Variants in PLXNA2 observed in about 807,000 individuals in gnomAD.
PLXNA2 encodes plexin-A2.
PLXNA2 carries 91 observed loss-of-function variants against 193.5 expected under a neutral mutation model. The observed-to-expected ratio is 0.47, with a 90% CI of 0.40 to 0.56. PLXNA2 has a LOEUF of 0.56. PLXNA2 is among the 20% of genes least tolerant of loss of function. PLXNA2 has a pLI of 0.00. For missense variants in PLXNA2, 1,995 were observed against 2,503.2 expected (o/e 0.80, Z 4.33); for synonymous variants, 997 against 1,027.3 (o/e 0.97, Z 0.56).
At chr1:208,210,239 A>G (rs1670891265) in intron 3 of PLXNA2, 41 bp downstream of exon 3, 2 of 1,594,964 alleles carry the variant, frequency 1.3e-6, no homozygotes, top group African/African-American at 2.7e-5. Flanking sequence ...TTTGCTGAGG[A>G]GGTGAATGGC....
At chr1:208,145,790 A>T (rs531695907) in intron 3 of PLXNA2, among the ~76,000 whole-genome samples, 14 of 152,336 alleles carry the variant, frequency 9.2e-5, no homozygotes, top group African/African-American at 3.4e-4. Flanking sequence ...CAATCTTTTA[A>T]TAAGCCAGTT....
intron 26 of PLXNA2, among the ~76,000 whole-genome samples, chr1:208,037,990 C>T (rs543305867): frequency 9.2e-5 from 14 of 152,176 alleles, no homozygotes; most frequent in Non-Finnish European, 1.5e-4. Context: ...TAGTAAGATG[C>T]TAAAGAGAGA....
chr1:208,152,673 A>ACACACACG (rs1228311913), intron 3 of PLXNA2, among the ~76,000 whole-genome samples: 3,648 of 121,332 alleles, frequency 0.03, 48 homozygotes, highest in Admixed American at 0.045. Flanking sequence ...ACACATACAC[A>ACACACACG]CACACACACG....
chr1:208,132,038 T>C (rs1365570126), intron 4 of PLXNA2, among the ~76,000 whole-genome samples: 6 of 152,162 alleles, frequency 3.9e-5, no homozygotes, highest in Admixed American at 2.0e-4. Flanking sequence ...GAGATCATGC[T>C]CGTGAGGCGC....
At chr1:208,138,395 G>T (rs896727539) in intron 4 of PLXNA2, among the ~76,000 whole-genome samples, 5 of 152,228 alleles carry the variant, frequency 3.3e-5, no homozygotes, top group Non-Finnish European at 4.4e-5. Context: ...AGCTTGGGAG[G>T]TTAGGTGTAT....
rs79601528 is a variant in PLXNA2 at position 208,217,682 on chromosome 1, C to A, written c.241G>T (p.Val81Leu). The A allele has an allele frequency of 4.6e-3, 7,454 of 1,614,194 alleles. 22 individuals carry two copies. Among genetic ancestry groups the A allele is most frequent in the Non-Finnish European group, 5.9e-3 (6,999 of 1,180,036 alleles). The change falls in exon 2 of 32, where the codon GTG becomes TTG. Residue 81 changes from valine to leucine, a missense_variant. This residue lies in a region of PLXNA2 where 702 missense variants were observed against 812.9 expected (regional missense o/e 0.86). Coordinates refer to ENST00000367033, the MANE Select transcript of PLXNA2 (RefSeq NM_025179.4). The surrounding 1 kb of genome is among the most constrained non-coding windows in gnomAD (Gnocchi z 4.7). ...TCTTCTGGCCCTGTCTTATGAGCCA[C>A]CTGGATGGTCAGGTTGCCTGTCAGC... The part of the protein sequence containing the change: ...YKLTGNLTIQ[V>L]AHKTGPEEDN...
At chr1:208,079,019 C>G (rs1053701769) in intron 12 of PLXNA2, among the ~76,000 whole-genome samples, 1 of 152,212 alleles carries the variant, frequency 6.6e-6, no homozygotes, top group Non-Finnish European at 1.5e-5. Context: ...GTCGTGTGCA[C>G]GTGCACACCA....
In PLXNA2 at chr1:208,124,705, A is replaced by AG. The variant is rs769264852; in HGVS notation, c.1506+17623_1506+17624insC. 5.9e-3 allele frequency among the ~76,000 whole-genome samples: 850 copies of AG among 142,910 alleles called. 11 individuals are homozygous for AG. Among genetic ancestry groups the AG allele is most frequent in the East Asian group, 0.054 (256 of 4,734 alleles). 93.8% of individuals were successfully genotyped at this position (142,910 alleles called of 152,430 possible). On this transcript the variant is annotated intron_variant, in intron 4 of 31. Transcript: ENST00000367033. Reference sequence around the variant, plus strand: ...AAAAAAAAAAAAAAAAAAAAAAAAGAACCAGAGATACCCTATGTTTTAGGC... The same window carrying AG: ...AAAAAAAAAAAAAAAAAAAAAAAAGAGACCAGAGATACCCTATGTTTTAGGC...
At chr1:208,218,913 G>T (rs1457297731) in intron 1 of PLXNA2, among the ~76,000 whole-genome samples, 1 of 152,206 alleles carries the variant, frequency 6.6e-6, no homozygotes. Flanking sequence ...CTTGCTAGGG[G>T]TTACTGGCTG....
rs1458229921 is a variant in PLXNA2 at position 208,026,305 on chromosome 1, C to T, written c.*938G>A. On this transcript the variant is annotated 3_prime_UTR_variant, in exon 32 of 32. Coordinates refer to ENST00000367033, the MANE Select transcript of PLXNA2 (RefSeq NM_025179.4). ...TCTGGGAGAGGCCCACCTCACCCCA[C>T]TTCTCATAGTAACTTTAGGGAAATT... is the stretch of plus-strand genomic sequence containing the variant. The T allele has an allele frequency of 6.6e-6, 1 of 152,200 alleles. No homozygotes were observed. Among genetic ancestry groups the T allele is most frequent in the Non-Finnish European group, 1.5e-5 (1 of 68,054 alleles). 9.4% of individuals were successfully genotyped at this position (152,200 alleles called of 1,614,324 possible).
intron 1 of PLXNA2, among the ~76,000 whole-genome samples, chr1:208,232,425 G>A (rs1040559508): frequency 1.3e-5 from 2 of 152,192 alleles, no homozygotes; most frequent in Admixed American, 6.5e-5. Flanking sequence ...TTCAATTCCC[G>A]ACAGTGGCAG....
intron 3 of PLXNA2, among the ~76,000 whole-genome samples, chr1:208,192,371 G>A (rs1290937278): frequency 2.6e-5 from 4 of 152,068 alleles, no homozygotes; most frequent in East Asian, 1.9e-4. Flanking sequence ...TGTGGTGCAG[G>A]TATGCCTATT....
At chr1:208,168,724 G>GGTTT (rs1491302678) in intron 3 of PLXNA2, among the ~76,000 whole-genome samples, 2 of 73,196 alleles carry the variant, frequency 2.7e-5, no homozygotes. Context: ...AGTATGCGGG[G>GGTTT]TTTTTTTTTT....
chr1:208,211,997 T>C (rs1190941724), intron 2 of PLXNA2, among the ~76,000 whole-genome samples: 10 of 152,184 alleles, frequency 6.6e-5, no homozygotes, highest in Admixed American at 6.5e-4. Context: ...GCCCAGTTAA[T>C]GGCACAATGT....
chr1:208,191,932 G>A (rs748374755), intron 3 of PLXNA2, among the ~76,000 whole-genome samples: 2 of 152,166 alleles, frequency 1.3e-5, no homozygotes, highest in Admixed American at 1.3e-4. Flanking sequence ...GCATGAAGAC[G>A]TGTCAGGGTC....
rs200039334 is a variant in PLXNA2 at position 208,079,870 on chromosome 1, ATGTT to A, written c.2396-424_2396-421del. On this transcript the variant is annotated intron_variant, in intron 11 of 31. Transcript: ENST00000367033. ...CTGTAACATATCTGATGCCCTATATATGTTTATTATGTTTTCTTTGAACTCGTGC... is the reference window on the plus strand; with the variant it reads ...CTGTAACATATCTGATGCCCTATATATATTATGTTTTCTTTGAACTCGTGC... 7.2e-3 allele frequency among the ~76,000 whole-genome samples: 1,096 copies of A among 152,212 alleles called. 9 individuals carry two copies. Among genetic ancestry groups the A allele is most frequent in the Middle Eastern group, 0.034 (10 of 294 alleles).
intron 3 of PLXNA2, among the ~76,000 whole-genome samples, chr1:208,147,106 T>A (rs1668625892): frequency 6.6e-6 from 1 of 152,168 alleles, no homozygotes; most frequent in Non-Finnish European, 1.5e-5. Flanking sequence ...CACTGCAGCC[T>A]TGAGCTCCCA....
intron 1 of PLXNA2, among the ~76,000 whole-genome samples, chr1:208,232,560 C>A (rs1572059930): frequency 6.6e-6 from 1 of 152,348 alleles, no homozygotes; most frequent in African/African-American, 2.4e-5. Context: ...ATTTAAATTT[C>A]TCTGTCTCCA....
At position 208,087,208 on chromosome 1, in the gene PLXNA2, G is replaced by T. The variant is rs1571901538; in HGVS notation, c.2098-2628C>A. ...TGTCTGGGGTTAGTAAAAAAAGATT[G>T]TTGAATCCTTTTAATGTGGACCAAA... On this transcript the variant is annotated intron_variant, in intron 9 of 31. Coordinates refer to ENST00000367033, the MANE Select transcript of PLXNA2 (RefSeq NM_025179.4). 7.2e-5 allele frequency among the ~76,000 whole-genome samples: 11 copies of T among 152,096 alleles called. 1 individual carries two copies. The South Asian group carries it at 2.3e-3, about 32-fold the overall frequency.
Sources: gnomAD v4.1 joint callset for allele counts (sites outside exome capture counted in the v4.1 genomes callset) on GRCh38, gnomAD v4.1.1 for gene constraint, gnomAD v4.1.1 regional missense constraint, Gnocchi (gnomAD v3.1) non-coding constraint, MANE v1.5 for transcripts, NCBI Gene and HGNC (gene_info 2026-07-23, HGNC 2026-07-21) for gene names.